SYT16: variants seen among roughly 807,000 people sequenced by gnomAD.
The protein encoded by SYT16 is synaptotagmin 16, also known as synaptotagmin-16.
SYT16 carries 42 observed loss-of-function variants against 61.4 expected under a neutral mutation model. The observed-to-expected ratio is 0.68, with a 90% CI of 0.53 to 0.89. SYT16 has a LOEUF of 0.89. SYT16 is among the 40% of genes least tolerant of loss of function. SYT16 has a pLI of 0.00. For synonymous variants in SYT16, 314 were observed against 302.3 expected, an observed-to-expected ratio of 1.04 and a Z score of -0.40; for missense variants, 804 against 807.3, an observed-to-expected ratio of 1.00 and a Z score of 0.05.
At chr14:62,020,304 G>A (rs2053860744) in intron 3 of SYT16, among the ~76,000 whole-genome samples, 1 of 152,056 alleles carries the variant, frequency 6.6e-6, no homozygotes, top group Non-Finnish European at 1.5e-5. Flanking sequence ...CCTCACTCAA[G>A]TTTACTACTG....
At chr14:61,828,287 C>CA (rs1443525251) in intron 1 of SYT16, among the ~76,000 whole-genome samples, 2 of 152,256 alleles carry the variant, frequency 1.3e-5, no homozygotes, top group East Asian at 3.9e-4. Context: ...TTTTTGCCTT[C>CA]AAAAATCAAG....
intron 4 of SYT16, among the ~76,000 whole-genome samples, chr14:62,071,439 C>A (rs1048140792): frequency 1.3e-5 from 2 of 152,062 alleles, no homozygotes; most frequent in Admixed American, 1.3e-4. Flanking sequence ...TCCTAACTGG[C>A]AATTCTGAAT....
At chr14:62,013,093 A>G (rs932723405) in intron 3 of SYT16, among the ~76,000 whole-genome samples, 1 of 152,222 alleles carries the variant, frequency 6.6e-6, no homozygotes, top group African/African-American at 2.4e-5. Context: ...ACCTTAACTT[A>G]TGGTAGACTT....
At chr14:61,943,296 C>A (rs2050283648) in intron 1 of SYT16, among the ~76,000 whole-genome samples, 1 of 152,174 alleles carries the variant, frequency 6.6e-6, no homozygotes, top group Admixed American at 6.5e-5. Flanking sequence ...TGAATTCTAC[C>A]AGAGGTACAA....
At chr14:62,013,895 C>T (rs538673739) in intron 3 of SYT16, among the ~76,000 whole-genome samples, 4 of 151,484 alleles carry the variant, frequency 2.6e-5, no homozygotes, top group Admixed American at 1.3e-4. Context: ...ACCTGGGAGG[C>T]GGAGGTTGCC....
At chr14:62,036,286 AAAAAG>A (rs1296864571) in intron 3 of SYT16, among the ~76,000 whole-genome samples, 5 of 152,132 alleles carry the variant, frequency 3.3e-5, no homozygotes, top group African/African-American at 1.2e-4. Context: ...GAGGATCTGA[AAAAAG>A]AAAAGAGGTA....
At chr14:62,041,546 G>A (rs771641685) in intron 3 of SYT16, among the ~76,000 whole-genome samples, 4 of 151,964 alleles carry the variant, frequency 2.6e-5, no homozygotes, top group African/African-American at 7.3e-5. Flanking sequence ...TTGCTCTGTC[G>A]CCTGGGCTGG....
At chr14:61,884,898 G>T (rs2047841323) in intron 1 of SYT16, among the ~76,000 whole-genome samples, 2 of 152,144 alleles carry the variant, frequency 1.3e-5, no homozygotes. Flanking sequence ...GTCTCCAGAA[G>T]ATTTCTCTCT....
chr14:61,897,666 A>G (rs994252918), intron 1 of SYT16, among the ~76,000 whole-genome samples: 1 of 152,118 alleles, frequency 6.6e-6, no homozygotes, highest in Non-Finnish European at 1.5e-5. Flanking sequence ...CAAAAGACTC[A>G]CACAGCTGAT....
intron 3 of SYT16, chr14:62,069,379 G>A (rs758643572): frequency 5.4e-6 from 3 of 559,062 alleles, no homozygotes; most frequent in African/African-American, 1.9e-5. Context: ...TTTGTCTTGG[G>A]TTCTAGCTAT....
intron 1 of SYT16, among the ~76,000 whole-genome samples, chr14:61,933,424 C>G (rs988750926): frequency 1.3e-5 from 2 of 152,194 alleles, no homozygotes; most frequent in Admixed American, 6.5e-5. Flanking sequence ...AGCCTCTACC[C>G]TATACTCATC....
chr14:61,938,026 A>AACACACACACACACACACAC (rs3071213), intron 1 of SYT16, among the ~76,000 whole-genome samples: 5,475 of 135,606 alleles, frequency 0.04, 154 homozygotes, highest in East Asian at 0.064. Context: ...CCTACCCCGC[A>AACACACACACACACACACAC]ACACACACAC....
chr14:61,999,727 CTAAT>C (rs1235118429), intron 3 of SYT16, among the ~76,000 whole-genome samples: 2 of 151,644 alleles, frequency 1.3e-5, no homozygotes, highest in Non-Finnish European at 3.0e-5. Context: ...TTAGCTGTAT[CTAAT>C]AAGTATGAAT....
intron 2 of SYT16, among the ~76,000 whole-genome samples, chr14:61,984,206 G>A (rs2052207337): frequency 6.6e-6 from 1 of 152,108 alleles, no homozygotes; most frequent in Admixed American, 6.6e-5. Flanking sequence ...GCTATACTCA[G>A]TGCTTCTTTA....
At chr14:62,004,780 C>A (rs993470827) in intron 3 of SYT16, among the ~76,000 whole-genome samples, 3 of 152,198 alleles carry the variant, frequency 2.0e-5, no homozygotes, top group African/African-American at 7.2e-5. Flanking sequence ...ATCTTTGACC[C>A]TTGAAGAGGT....
At chr14:62,003,023 C>T (rs1030687804) in intron 3 of SYT16, among the ~76,000 whole-genome samples, 3 of 151,996 alleles carry the variant, frequency 2.0e-5, no homozygotes, top group South Asian at 2.1e-4. Flanking sequence ...GGGAAACCAC[C>T]CCCATGATTC....
chr14:62,075,468 T>TA (rs35857227), intron 5 of SYT16, 77 bp downstream of exon 5: 251,748 of 1,119,236 alleles, frequency 0.22, 2,623 homozygotes, highest in South Asian at 0.26. Context: ...CTCATCTCTC[T>TA]AAAAAAAAAA....
intron 1 of SYT16, among the ~76,000 whole-genome samples, chr14:61,949,107 T>C (rs985189505): frequency 1.1e-4 from 17 of 152,352 alleles, no homozygotes; most frequent in African/African-American, 4.1e-4. Context: ...TAATTTCATC[T>C]TAAGTGAATC....
At chr14:61,957,260 A>G (rs988300199) in intron 1 of SYT16, among the ~76,000 whole-genome samples, 2 of 152,026 alleles carry the variant, frequency 1.3e-5, no homozygotes, top group South Asian at 4.1e-4. Context: ...ATCTGCAGAC[A>G]GAGAAAGTTT....
Sources: allele counts gnomAD v4.1 joint callset (sites outside exome capture counted in the v4.1 genomes callset), GRCh38; gene constraint gnomAD v4.1.1; transcripts MANE v1.5; gene names NCBI Gene and HGNC (gene_info 2026-07-23, HGNC 2026-07-21).